DLGAP2: variants seen among roughly 807,000 people sequenced by gnomAD.
DLGAP2 encodes the protein disks large-associated protein 2.
DLGAP2 carries 26 observed loss-of-function variants against 100.3 expected under a neutral mutation model. The observed-to-expected ratio is 0.26, with a 90% confidence interval of 0.19 to 0.36. DLGAP2 has a LOEUF of 0.36. Among genes scored for constraint, DLGAP2 ranks in the 10% least tolerant of loss-of-function variants. DLGAP2 has a pLI of 1.00. For synonymous variants in DLGAP2, 886 were observed against 630.1 expected (o/e 1.41, Z -6.08); for missense variants, 1,858 against 1,453.2 (o/e 1.28, Z -4.53).
At chr8:1,199,924 G>A (rs962839309) in intron 2 of DLGAP2, among the ~76,000 whole-genome samples, 4 of 146,530 alleles carry the variant, frequency 2.7e-5, no homozygotes, top group African/African-American at 2.6e-5. Context: ...TGACAGCCAC[G>A]AGGTGGAAGG....
intron 7 of DLGAP2, among the ~76,000 whole-genome samples, chr8:1,630,598 A>T (rs879814611): frequency 1.2e-4 from 18 of 151,976 alleles, no homozygotes; most frequent in Admixed American, 7.9e-4. Context: ...GCTACTCGGG[A>T]GGCCGAGGCA....
chr8:911,254 T>C (rs1798478710), intron 2 of DLGAP2, among the ~76,000 whole-genome samples: 1 of 152,202 alleles, frequency 6.6e-6, no homozygotes, highest in Non-Finnish European at 1.5e-5. Flanking sequence ...TTATGGATTC[T>C]GTTTCTTAGG....
intron 1 of DLGAP2, among the ~76,000 whole-genome samples, chr8:746,367 C>T (rs1240248604): frequency 6.6e-6 from 1 of 152,278 alleles, no homozygotes; most frequent in Non-Finnish European, 1.5e-5. Flanking sequence ...CTGGCATTGT[C>T]TGCAGGCTGC....
In DLGAP2 at chr8:1,697,248, G is replaced by A. The variant is rs371116535; in HGVS notation, c.2898G>A (p.Leu966=). The change falls in exon 14 of 15, where the codon CTG becomes CTA. Residue 966 remains leucine (L), a synonymous_variant. Transcript: ENST00000637795. The part of the protein sequence containing the change: ...IEDVSMKFDE[L]QRLRLNDWKM... ...ACGTCAGCATGAAGTTCGACGAGCT[G>A]CAGCGGCTGCGGCTCAACGACTGGA... 45 of 1,610,992 alleles carry A rather than the reference G, an allele frequency of 2.8e-5. No individual in the cohort carries two copies. In the African/African-American group the frequency reaches 4.7e-4, roughly 17 times the overall value.
At chr8:770,344 G>A (rs1821325751) in intron 1 of DLGAP2, among the ~76,000 whole-genome samples, 1 of 152,156 alleles carries the variant, frequency 6.6e-6, no homozygotes, top group African/African-American at 2.4e-5. Flanking sequence ...CCACCCTGGG[G>A]AGCACAGTGC....
At chr8:1,489,761 T>C (rs1393559121) in intron 3 of DLGAP2, among the ~76,000 whole-genome samples, 1 of 152,200 alleles carries the variant, frequency 6.6e-6, no homozygotes, top group Non-Finnish European at 1.5e-5. Flanking sequence ...CGAGTTTGAG[T>C]ATACCAATTC....
intron 1 of DLGAP2, among the ~76,000 whole-genome samples, chr8:857,164 A>G (rs1797294611): frequency 6.6e-6 from 1 of 152,228 alleles, no homozygotes; most frequent in Non-Finnish European, 1.5e-5. Context: ...TGGGACCTCC[A>G]TGTGCAACAA....
In DLGAP2 at chr8:1,390,585, G is replaced by A. The variant is rs565283947; in HGVS notation, c.107-110781G>A. Among the ~76,000 whole-genome samples, 5 of 152,184 alleles carry A rather than the reference G, an allele frequency of 3.3e-5. No homozygotes were observed. In the East Asian group the frequency reaches 9.7e-4, roughly 29 times the overall value. On this transcript the variant is annotated intron_variant, in intron 3 of 14. Transcript: ENST00000637795. Reference sequence around the variant, plus strand: ...GCTTGCGGGCCTCTGGTCTCTGCGTGCCGCCTCCCTTGCCTGCTTGAGGAC... The same window carrying A: ...GCTTGCGGGCCTCTGGTCTCTGCGTACCGCCTCCCTTGCCTGCTTGAGGAC...
At chr8:914,395 A>G (rs1048109070) in intron 2 of DLGAP2, among the ~76,000 whole-genome samples, 2 of 152,238 alleles carry the variant, frequency 1.3e-5, no homozygotes, top group Admixed American at 1.3e-4. Flanking sequence ...TCATTTCATA[A>G]TCTGGAAATG....
At chr8:1,131,511 C>A in intron 2 of DLGAP2, among the ~76,000 whole-genome samples, 1 of 152,168 alleles carries the variant, frequency 6.6e-6, no homozygotes. Flanking sequence ...ACCCACATAA[C>A]CTCATCCCAC....
chr8:1,509,801 T>A (rs1800094787), intron 4 of DLGAP2, among the ~76,000 whole-genome samples: 1 of 152,218 alleles, frequency 6.6e-6, no homozygotes, highest in Non-Finnish European at 1.5e-5. Flanking sequence ...TCACAGCAAG[T>A]GTTCAATGTC....
intron 2 of DLGAP2, among the ~76,000 whole-genome samples, chr8:1,233,470 C>T (rs540999723): frequency 6.6e-5 from 10 of 152,258 alleles, no homozygotes; most frequent in South Asian, 4.1e-4. Flanking sequence ...GGTTGGCTAA[C>T]GGGGCTAATC....
At chr8:1,171,798 C>G (rs551184834) in intron 2 of DLGAP2, among the ~76,000 whole-genome samples, 35 of 152,150 alleles carry the variant, frequency 2.3e-4, no homozygotes, top group African/African-American at 5.8e-4. Flanking sequence ...AGATGGGTTT[C>G]CTGAATATAA....
chr8:1,101,201 G>T (rs370181303), intron 2 of DLGAP2, among the ~76,000 whole-genome samples: 2 of 152,196 alleles, frequency 1.3e-5, no homozygotes, highest in African/African-American at 4.8e-5. Flanking sequence ...CAGCCTGGGG[G>T]ATCTGGAAGA....
intron 6 of DLGAP2, among the ~76,000 whole-genome samples, chr8:1,607,212 C>T (rs966963012): frequency 6.6e-6 from 1 of 152,106 alleles, no homozygotes; most frequent in African/African-American, 2.4e-5. Context: ...TAAAAATTAT[C>T]CATCATTCTT....
intron 6 of DLGAP2, among the ~76,000 whole-genome samples, chr8:1,588,153 T>C (rs1274388992): frequency 1.3e-5 from 2 of 152,226 alleles, no homozygotes; most frequent in South Asian, 2.1e-4. Context: ...GCCTTCAGAA[T>C]GTCTAACAGC....
intron 5 of DLGAP2, among the ~76,000 whole-genome samples, chr8:1,558,895 C>T (rs527749176): frequency 1.9e-4 from 29 of 152,256 alleles, no homozygotes; most frequent in East Asian, 9.7e-4. Context: ...CACACACACA[C>T]GGCTTAAAGG....
intron 2 of DLGAP2, among the ~76,000 whole-genome samples, chr8:1,092,690 G>C (rs1729197238): frequency 6.6e-6 from 1 of 152,204 alleles, no homozygotes. Flanking sequence ...TTCAGGGTTG[G>C]TTCTGCAGAA....
chr8:1,694,899 A>G (rs1005006318), intron 13 of DLGAP2, among the ~76,000 whole-genome samples: 3 of 152,050 alleles, frequency 2.0e-5, no homozygotes, highest in Non-Finnish European at 4.4e-5. Flanking sequence ...CTGAATGTTC[A>G]GTGGATTCAG....
Sources: gnomAD v4.1 joint callset for allele counts (sites outside exome capture counted in the v4.1 genomes callset) on GRCh38, gnomAD v4.1.1 for gene constraint, MANE v1.5 for transcripts, NCBI Gene and HGNC (gene_info 2026-07-23, HGNC 2026-07-21) for gene names.